Variants in DCHS2 observed in about 807,000 individuals in gnomAD.
DCHS2 encodes protocadherin-23.
In DCHS2, 142 loss-of-function variants were observed where a neutral mutation model predicts 182.4. The ratio of observed to expected loss-of-function variants is 0.78; its 90% CI spans 0.68 to 0.89. The LOEUF (loss-of-function observed/expected upper bound fraction) is 0.89, where lower values mean the gene tolerates loss of function less well. Ranked by LOEUF, DCHS2 falls within the 40% of genes least tolerant of loss-of-function variation. The probability of loss-of-function intolerance (pLI) is 0.00; values close to 1 mark genes in which losing one functional copy is unlikely to be tolerated. For missense variants in DCHS2, 4,319 were observed against 4,198.6 expected (o/e 1.03, Z -0.79); for synonymous variants, 1,740 against 1,663.3 (o/e 1.05, Z -1.12).
chr4:154,366,867 C>T (rs1730395997), intron 2 of DCHS2, among the ~76,000 whole-genome samples: 2 of 152,142 alleles, frequency 1.3e-5, no homozygotes, highest in African/African-American at 4.8e-5. Context: ...AAATCAAAAT[C>T]ACTTTTATCC....
chr4:154,294,377 A>G (rs1490430833), intron 13 of DCHS2, among the ~76,000 whole-genome samples: 1 of 152,226 alleles, frequency 6.6e-6, no homozygotes, highest in Admixed American at 6.5e-5. Context: ...TTAAAGATGT[A>G]TGAAGCAGAG....
intron 18 of DCHS2, among the ~76,000 whole-genome samples, chr4:154,240,307 TA>T (rs11379756): frequency 4.5e-4 from 65 of 143,496 alleles, no homozygotes; most frequent in Middle Eastern, 3.6e-3. Context: ...CTCTAAAAAC[TA>T]AAAAAAAAAA....
chr4:154,274,302 A>G (rs1207040407), intron 13 of DCHS2, among the ~76,000 whole-genome samples: 1 of 152,196 alleles, frequency 6.6e-6, no homozygotes, highest in Non-Finnish European at 1.5e-5. Context: ...TGGTTGAACA[A>G]AACACAGCTG....
chr4:154,479,607 G>A (rs1735833148), intron 1 of DCHS2, among the ~76,000 whole-genome samples: 1 of 152,080 alleles, frequency 6.6e-6, no homozygotes, highest in South Asian at 2.1e-4. Context: ...CTGTATAAAT[G>A]GCAAATCTGA....
intron 1 of DCHS2, among the ~76,000 whole-genome samples, chr4:154,430,675 ATCT>A (rs150207321): frequency 8.8e-4 from 134 of 152,332 alleles, no homozygotes; most frequent in Non-Finnish European, 1.4e-3. Context: ...GCATCTATCA[ATCT>A]TCTTCAAAAT....
intron 14 of DCHS2, chr4:154,261,843 T>C (rs1259398445): frequency 1.3e-5 from 2 of 152,102 alleles, no homozygotes; most frequent in Admixed American, 1.3e-4. Context: ...TGGCAGAAAA[T>C]TTAGAGTAGC....
At chr4:154,471,209 C>T (rs563040292) in intron 1 of DCHS2, among the ~76,000 whole-genome samples, 24 of 152,256 alleles carry the variant, frequency 1.6e-4, no homozygotes, top group Non-Finnish European at 3.1e-4. Context: ...ACAGTGTCTC[C>T]GACAGCCCAG....
intron 1 of DCHS2, among the ~76,000 whole-genome samples, chr4:154,386,391 T>G (rs1465423398): frequency 6.6e-6 from 1 of 152,172 alleles, no homozygotes; most frequent in Admixed American, 6.5e-5. Flanking sequence ...CCTCCAGCCT[T>G]TAGTATAACA....
intron 1 of DCHS2, among the ~76,000 whole-genome samples, chr4:154,481,572 T>A (rs956858340): frequency 1.3e-5 from 2 of 152,200 alleles, no homozygotes; most frequent in Non-Finnish European, 2.9e-5. Flanking sequence ...TTTCTTTTTC[T>A]CACTCTCTCT....
intron 13 of DCHS2, among the ~76,000 whole-genome samples, chr4:154,285,329 C>A (rs929307733): frequency 2.6e-5 from 4 of 151,960 alleles, no homozygotes; most frequent in Non-Finnish European, 2.9e-5. Context: ...GGGAGAGACC[C>A]TTTCTGCTAG....
chr4:154,328,000 C>T, intron 7 of DCHS2, 93 bp downstream of exon 7: 1 of 834,742 alleles, frequency 1.2e-6, no homozygotes, highest in Non-Finnish European at 1.7e-6. Context: ...TCAAAGTAAT[C>T]AAAATAGAAC....
chr4:154,355,257 T>C (rs981539046), intron 3 of DCHS2, among the ~76,000 whole-genome samples: 1 of 151,354 alleles, frequency 6.6e-6, no homozygotes, highest in Non-Finnish European at 1.5e-5. Flanking sequence ...AAGAAGGCAA[T>C]GAAAGCAACC....
Position 154,332,996 on chromosome 4 carries a change from A to C in DCHS2, c.3212T>G (p.Val1071Gly). The change falls in exon 5 of 20, where the codon GTC (valine) becomes GGC (glycine). Residue 1071 changes from valine (V) to glycine (G), a missense_variant. Transcript: ENST00000357232. ...HPQAALLVLT[V>G]VIEKREHSPS... Reference sequence around the variant, plus strand: ...GCTGTGTTCGCGTTTCTCGATAACGACTGTCAGCACCAGCAGGGCTGCCTG... The same window carrying C: ...GCTGTGTTCGCGTTTCTCGATAACGCCTGTCAGCACCAGCAGGGCTGCCTG... The C allele has an allele frequency of 6.2e-7, 1 of 1,614,170 alleles. No homozygotes were observed. The highest frequency in any genetic ancestry group is 8.5e-7 in the Non-Finnish European group (1 of 1,180,024).
intron 14 of DCHS2, among the ~76,000 whole-genome samples, chr4:154,268,147 T>C (rs1047289416): frequency 6.6e-6 from 1 of 152,168 alleles, no homozygotes; most frequent in Non-Finnish European, 1.5e-5. Context: ...AGTAGAATAT[T>C]CATTCTTACT....
intron 1 of DCHS2, among the ~76,000 whole-genome samples, chr4:154,430,605 C>T (rs1379996571): frequency 6.6e-6 from 1 of 152,204 alleles, no homozygotes; most frequent in Non-Finnish European, 1.5e-5. Context: ...TGGACCTGTT[C>T]TCACAGCAAA....
chr4:154,246,270 C>T (rs1384493043), intron 16 of DCHS2, among the ~76,000 whole-genome samples: 1 of 152,126 alleles, frequency 6.6e-6, no homozygotes, highest in African/African-American at 2.4e-5. Flanking sequence ...CATTACTCTG[C>T]ATTCTCAGCC....
At chr4:154,301,353 T>C (rs1735188009) in intron 12 of DCHS2, among the ~76,000 whole-genome samples, 3 of 152,214 alleles carry the variant, frequency 2.0e-5, no homozygotes, top group Admixed American at 2.0e-4. Context: ...TCAGAAGGCA[T>C]ACAAGTACTA....
At chr4:154,309,294 AC>A (rs1286362660) in intron 10 of DCHS2, among the ~76,000 whole-genome samples, 4 of 152,174 alleles carry the variant, frequency 2.6e-5, no homozygotes, top group African/African-American at 9.7e-5. Flanking sequence ...CCCATTGCCA[AC>A]TACCTCTCTC....
chr4:154,484,566 G>A (rs1196785193), intron 1 of DCHS2, among the ~76,000 whole-genome samples: 4 of 152,102 alleles, frequency 2.6e-5, no homozygotes, highest in Admixed American at 1.3e-4. Flanking sequence ...TCATACTTCC[G>A]ATTATATTTA....
Sources: gnomAD v4.1 joint callset for allele counts (sites outside exome capture counted in the v4.1 genomes callset) on GRCh38, gnomAD v4.1.1 for gene constraint, MANE v1.5 for transcripts, NCBI Gene and HGNC (gene_info 2026-07-23, HGNC 2026-07-21) for gene names.